CELF2: variants seen among roughly 807,000 people sequenced by gnomAD.
CELF2 encodes the protein CUGBP Elav-like family member 2.
In CELF2, 8 loss-of-function variants were observed where a neutral mutation model predicts 62.6. The observed-to-expected ratio is 0.13, with a 90% confidence interval of 0.07 to 0.23. The LOEUF is 0.23. CELF2 is among the 10% of genes least tolerant of loss of function. The pLI is 1.00. For missense variants in CELF2, 333 were observed against 671.0 expected (o/e 0.50, Z 5.56); for synonymous variants, 258 against 250.0 (o/e 1.03, Z -0.30).
the CELF2 span, among the ~76,000 whole-genome samples, chr10:10,591,239 C>G: frequency 6.6e-6 from 1 of 151,858 alleles, no homozygotes; most frequent in Non-Finnish European, 1.5e-5. Flanking sequence ...TTCAATATTG[C>G]GTTATTTATA....
chr10:11,107,249 G>A (rs929916052), intron 1 of CELF2, among the ~76,000 whole-genome samples: 6 of 152,144 alleles, frequency 3.9e-5, no homozygotes, highest in Admixed American at 1.3e-4. Context: ...CTGGGGGGCT[G>A]TGGCAAACCA....
In CELF2 at chr10:11,286,522, C is replaced by T. The variant is rs867399826; in HGVS notation, c.842-1896C>T. On this transcript the variant is annotated intron_variant, in intron 8 of 12. Coordinates refer to ENST00000633077, the MANE Select transcript of CELF2 (RefSeq NM_001326342.2). The stretch of plus-strand genomic sequence containing the variant: ...GGTGCTCCCTCACACTCAAGTCAAA[C>T]ATGCATTCATGTGTTTGTAGGAAAC... 6.6e-5 allele frequency among the ~76,000 whole-genome samples: 10 copies of T among 152,346 alleles called. No individual in the cohort carries two copies. The South Asian group carries it at 2.1e-3, about 32-fold the overall frequency.
chr10:11,115,293 T>C (rs1249624923), intron 1 of CELF2, among the ~76,000 whole-genome samples: 1 of 152,250 alleles, frequency 6.6e-6, no homozygotes, highest in Admixed American at 6.5e-5. Context: ...ATGTGTGTTT[T>C]CACTAGCATT....
At chr10:10,634,995 C>T in the CELF2 span, among the ~76,000 whole-genome samples, 2 of 152,316 alleles carry the variant, frequency 1.3e-5, no homozygotes, top group African/African-American at 4.8e-5. Context: ...ATAGCACAGA[C>T]TCCCTGGAGG....
chr10:10,602,709 C>CT, the CELF2 span, among the ~76,000 whole-genome samples: 7 of 152,022 alleles, frequency 4.6e-5, no homozygotes, highest in Non-Finnish European at 1.5e-5. Context: ...TTTTTATCTA[C>CT]TTTTTAATTG....
rs905377140 is a variant in CELF2, at chr10:11,117,076, T to G, written c.75-48410T>G. Among the ~76,000 whole-genome samples the G allele has an allele frequency of 6.6e-6, 1 of 152,190 alleles. No homozygotes were observed. The highest frequency in any genetic ancestry group is 1.5e-5 in the Non-Finnish European group (1 of 68,028). On this transcript the variant is annotated intron_variant, in intron 1 of 12. Coordinates refer to ENST00000633077, the MANE Select transcript of CELF2 (RefSeq NM_001326342.2). This position sits in a 1 kb window ranked among gnomAD's most constrained non-coding sequence, Gnocchi z 4.1. ...GAACCTGAGCGGTCTGGCTTCAGAA[T>G]CCACACTCAAGCCACTATGCTGTGC...
chr10:10,540,179 T>C, the CELF2 span, among the ~76,000 whole-genome samples: 1 of 152,334 alleles, frequency 6.6e-6, no homozygotes, highest in African/African-American at 2.4e-5. Context: ...AGTGAAGTTT[T>C]AACAGTGTCA....
chr10:11,191,839 T>C lies in CELF2; in HGVS notation c.272-25586T>C, dbSNP rs1000057650. Reference sequence around the variant, plus strand: ...CCAGTGAAGGAGGAGGGAGGGGCCGTGTGCATGCTCATGCTGTTTATCCCA... The same window carrying C: ...CCAGTGAAGGAGGAGGGAGGGGCCGCGTGCATGCTCATGCTGTTTATCCCA... On this transcript the variant is annotated intron_variant, in intron 2 of 12. Coordinates refer to ENST00000633077, the MANE Select transcript of CELF2 (RefSeq NM_001326342.2). This position sits in a 1 kb window ranked among gnomAD's most constrained non-coding sequence, Gnocchi z 4.1. 6.6e-6 allele frequency among the ~76,000 whole-genome samples: 1 copy of C among 152,150 alleles called. No individual in the cohort carries two copies. Among genetic ancestry groups the C allele is most frequent in the Admixed American group, 6.5e-5 (1 of 15,276 alleles).
chr10:11,225,313 C>T (rs2066132803), intron 3 of CELF2, among the ~76,000 whole-genome samples: 1 of 152,176 alleles, frequency 6.6e-6, no homozygotes. Flanking sequence ...TTTGTGCTGC[C>T]ATCCCCTCCT....
At chr10:11,043,859 G>C (rs900548672) in intron 1 of CELF2, among the ~76,000 whole-genome samples, 7 of 152,174 alleles carry the variant, frequency 4.6e-5, no homozygotes, top group African/African-American at 1.7e-4. Flanking sequence ...CGCATACCTA[G>C]AAAGCAAGCC....
intron 1 of CELF2, among the ~76,000 whole-genome samples, chr10:11,107,450 C>A (rs776482248): frequency 6.6e-6 from 1 of 151,988 alleles, no homozygotes; most frequent in African/African-American, 2.4e-5. Context: ...AGAGTTTGGC[C>A]GCTTAGATGC....
the CELF2 span, among the ~76,000 whole-genome samples, chr10:10,553,257 C>T: frequency 6.6e-6 from 1 of 152,212 alleles, no homozygotes; most frequent in East Asian, 1.9e-4. Context: ...ACAAGAACAG[C>T]ACAGGAAGAC....
intron 5 of CELF2, among the ~76,000 whole-genome samples, chr10:11,262,596 G>A (rs533368947): frequency 2.6e-5 from 4 of 152,172 alleles, no homozygotes; most frequent in African/African-American, 7.2e-5. Flanking sequence ...ACCCAGCCTC[G>A]CATGCCATAA....
At chr10:10,513,582 C>T in the CELF2 span, among the ~76,000 whole-genome samples, 2 of 151,776 alleles carry the variant, frequency 1.3e-5, no homozygotes, top group East Asian at 1.9e-4. Flanking sequence ...TATCCCAGGG[C>T]TTCAAGATTT....
At chr10:10,531,051 C>T in the CELF2 span, among the ~76,000 whole-genome samples, 1 of 152,188 alleles carries the variant, frequency 6.6e-6, no homozygotes, top group Non-Finnish European at 1.5e-5. Context: ...TGTGCTTTCA[C>T]CCTGTTACAG....
At chr10:11,181,662 C>T (rs2073421542) in intron 2 of CELF2, among the ~76,000 whole-genome samples, 1 of 152,228 alleles carries the variant, frequency 6.6e-6, no homozygotes, top group South Asian at 2.1e-4. Flanking sequence ...GCCCCTCTCA[C>T]TGTGCACAGT....
intron 2 of CELF2, among the ~76,000 whole-genome samples, chr10:11,174,420 T>C (rs1319626302): frequency 1.3e-5 from 2 of 152,378 alleles, no homozygotes; most frequent in East Asian, 3.8e-4. Context: ...TCAGTATTCT[T>C]TTCATTCTCT....
At chr10:11,281,736 C>T (rs1218655003) in intron 8 of CELF2, among the ~76,000 whole-genome samples, 1 of 152,114 alleles carries the variant, frequency 6.6e-6, no homozygotes, top group Non-Finnish European at 1.5e-5. Flanking sequence ...GGAGCAAGAC[C>T]CTGTCTCAAA....
chr10:11,029,766 C>T (rs184838018), intron 1 of CELF2, among the ~76,000 whole-genome samples: 1 of 152,354 alleles, frequency 6.6e-6, no homozygotes, highest in Admixed American at 6.5e-5. Context: ...ACAAATGTTT[C>T]TGTACAAATT....
Sources: allele counts gnomAD v4.1 joint callset (sites outside exome capture counted in the v4.1 genomes callset), GRCh38; gene constraint gnomAD v4.1.1; non-coding constraint Gnocchi (gnomAD v3.1); transcripts MANE v1.5; gene names NCBI Gene and HGNC (gene_info 2026-07-23, HGNC 2026-07-21).